Variants in GABRA2 observed in about 807,000 individuals in gnomAD.
GABRA2 encodes the protein gamma-aminobutyric acid receptor subunit alpha-2.
GABRA2 carries 16 observed loss-of-function variants against 48.7 expected under a neutral mutation model. That is an observed-to-expected ratio of 0.33 (90% CI 0.22 to 0.50). The LOEUF (loss-of-function observed/expected upper bound fraction) is 0.50, where lower values mean the gene tolerates loss of function less well. GABRA2 is among the 20% of genes least tolerant of loss of function. The probability of loss-of-function intolerance (pLI) is 0.98; values close to 1 mark genes in which losing one functional copy is unlikely to be tolerated. For synonymous variants in GABRA2, 185 were observed against 184.5 expected (o/e 1.00, Z -0.02); for missense variants, 275 against 535.6 (o/e 0.51, Z 4.80).
intron 4 of GABRA2, among the ~76,000 whole-genome samples, chr4:46,324,898 T>G (rs967373774): frequency 6.6e-6 from 1 of 151,980 alleles, no homozygotes; most frequent in African/African-American, 2.4e-5. Context: ...GGACATAATT[T>G]CATTATTTTT....
Position 46,331,545 on chromosome 4 carries a change from T to A in GABRA2, c.255+1070A>T, listed in dbSNP as rs565855535. On this transcript the variant is annotated intron_variant, in intron 4 of 9. Transcript: ENST00000381620. ...AACCTTGTCAACTTTCCCCCTGAGT[T>A]ATCAGAGAAAGGGAAGAATTTCATC... Among the ~76,000 whole-genome samples the A allele has an allele frequency of 2.6e-5, 4 of 152,272 alleles. No individual in the cohort carries two copies. In the South Asian group the frequency reaches 8.3e-4, roughly 32 times the overall value.
At chr4:46,303,709 T>A (rs923461749) in intron 7 of GABRA2, 97 bp from the exon 8 acceptor site, 30 of 982,218 alleles carry the variant, frequency 3.1e-5, no homozygotes, top group African/African-American at 8.3e-5. Context: ...ACTGATTTTT[T>A]AAAAAATAAT....
intron 8 of GABRA2, among the ~76,000 whole-genome samples, chr4:46,274,517 G>A (rs1720105375): frequency 6.6e-6 from 1 of 151,988 alleles, no homozygotes; most frequent in African/African-American, 2.4e-5. Flanking sequence ...AGAGAAAAAT[G>A]GGCCTTAAAG....
chr4:46,332,380 G>GTAGT (rs1401047044), intron 4 of GABRA2, among the ~76,000 whole-genome samples: 1 of 152,002 alleles, frequency 6.6e-6, no homozygotes. Flanking sequence ...TTATTACACT[G>GTAGT]TAGTTAGGTA....
At chr4:46,299,216 G>A (rs754775735) in intron 8 of GABRA2, among the ~76,000 whole-genome samples, 9 of 151,572 alleles carry the variant, frequency 5.9e-5, no homozygotes, top group Non-Finnish European at 1.2e-4. Context: ...AATTTGGTTT[G>A]GCAGACATAT....
At chr4:46,377,334 G>A (rs371507999) in intron 3 of GABRA2, among the ~76,000 whole-genome samples, 6 of 150,742 alleles carry the variant, frequency 4.0e-5, no homozygotes, top group South Asian at 2.1e-4. Flanking sequence ...AGTGAGGAGC[G>A]TCTCTGCCCA....
Position 46,372,800 on chromosome 4 carries a change from CAGAAGTATGTAAAGTGTTACA to C in GABRA2, c.187+13253_187+13273del, listed in dbSNP as rs1236708651. On this transcript the variant is annotated intron_variant, in intron 3 of 9. Transcript: ENST00000381620. ...TATATCCTTTTCTAATGTCTTCAGACAGAAGTATGTAAAGTGTTACACCACCCTCTCTAAGAGGGTGGGGAA... is the reference window on the plus strand; with the variant it reads ...TATATCCTTTTCTAATGTCTTCAGACCCACCCTCTCTAAGAGGGTGGGGAA... 2.8e-3 allele frequency among the ~76,000 whole-genome samples: 423 copies of C among 152,168 alleles called. 3 individuals carry two copies. Among genetic ancestry groups the C allele is most frequent in the African/African-American group, 9.8e-3 (405 of 41,496 alleles).
intron 8 of GABRA2, among the ~76,000 whole-genome samples, chr4:46,302,176 C>A (rs1189024574): frequency 1.3e-5 from 2 of 151,902 alleles, no homozygotes; most frequent in Admixed American, 1.3e-4. Context: ...TCAAGCGATC[C>A]TCCTGCCTCA....
intron 3 of GABRA2, among the ~76,000 whole-genome samples, chr4:46,385,841 A>G (rs1717373471): frequency 1.3e-5 from 2 of 152,164 alleles, no homozygotes; most frequent in South Asian, 4.1e-4. Context: ...ATTCATGCAG[A>G]AAGTCTGGGC....
At chr4:46,358,299 C>G (rs1035986223) in intron 3 of GABRA2, among the ~76,000 whole-genome samples, 2 of 152,206 alleles carry the variant, frequency 1.3e-5, no homozygotes, top group African/African-American at 2.4e-5. Flanking sequence ...CTAAATTCCA[C>G]TCTCTAACGC....
At chr4:46,385,511 T>C (rs1717327694) in intron 3 of GABRA2, among the ~76,000 whole-genome samples, 1 of 152,098 alleles carries the variant, frequency 6.6e-6, no homozygotes, top group Non-Finnish European at 1.5e-5. Flanking sequence ...TCCAAAACTT[T>C]AGACCTATGT....
intron 8 of GABRA2, among the ~76,000 whole-genome samples, chr4:46,283,040 C>T (rs1037923983): frequency 6.6e-6 from 1 of 152,188 alleles, no homozygotes; most frequent in Non-Finnish European, 1.5e-5. Flanking sequence ...CAAGTATGTG[C>T]TCTTAATCAC....
At chr4:46,334,956 G>T (rs78659165) in intron 3 of GABRA2, among the ~76,000 whole-genome samples, 4,975 of 152,136 alleles carry the variant, frequency 0.033, 127 homozygotes, top group Non-Finnish European at 0.054. Flanking sequence ...GAGTTTTTTG[G>T]TTTTTTTGGT....
intron 4 of GABRA2, among the ~76,000 whole-genome samples, chr4:46,313,554 C>T (rs189647807): frequency 8.7e-4 from 127 of 146,582 alleles, no homozygotes; most frequent in African/African-American, 3.0e-3. Flanking sequence ...TTTTAACTTA[C>T]GTGAAACTCT....
intron 8 of GABRA2, among the ~76,000 whole-genome samples, chr4:46,272,573 G>A (rs543809): frequency 0.63 from 95,160 of 151,788 alleles, 30,510 homozygotes; most frequent in South Asian, 0.76. Context: ...AACTGGACAA[G>A]GTTTAAGATG....
chr4:46,385,982 T>C (rs1717395515), intron 3 of GABRA2, 92 bp downstream of exon 3: 4 of 714,616 alleles, frequency 5.6e-6, no homozygotes, highest in African/African-American at 1.8e-5. Context: ...CAGTGATGCA[T>C]TCATATATAA....
At chr4:46,312,962 G>A (rs941510167) in intron 4 of GABRA2, among the ~76,000 whole-genome samples, 2 of 151,672 alleles carry the variant, frequency 1.3e-5, no homozygotes, top group East Asian at 3.9e-4. Flanking sequence ...ATTCACTTTG[G>A]CCTCTTTTAG....
chr4:46,383,915 A>C (rs1350380996), intron 3 of GABRA2, among the ~76,000 whole-genome samples: 1 of 152,186 alleles, frequency 6.6e-6, no homozygotes, highest in Non-Finnish European at 1.5e-5. Context: ...TAAAGTGGTA[A>C]ATGAAACCAG....
At chr4:46,262,906 C>CGAAAGAAAGAAAGAAAGAGAGAGA (rs369935624) in intron 8 of GABRA2, among the ~76,000 whole-genome samples, 3 of 93,524 alleles carry the variant, frequency 3.2e-5, no homozygotes, top group African/African-American at 1.2e-4. Context: ...AAAGAAAGAA[C>CGAAAGAAAGAAAGAAAGAGAGAGA]GAAAGAAAGA....
Sources: gnomAD v4.1 joint callset for allele counts (sites outside exome capture counted in the v4.1 genomes callset) on GRCh38, gnomAD v4.1.1 for gene constraint, MANE v1.5 for transcripts, NCBI Gene and HGNC (gene_info 2026-07-23, HGNC 2026-07-21) for gene names.